Variants in TIMP3 observed in about 807,000 individuals in gnomAD.
TIMP3 encodes TIMP metallopeptidase inhibitor 3, also known as metalloproteinase inhibitor 3.
TIMP3 carries 11 observed loss-of-function variants against 30.0 expected under a neutral mutation model. The observed-to-expected ratio is 0.37, with a 90% CI of 0.23 to 0.61. The LOEUF (loss-of-function observed/expected upper bound fraction) is 0.61. Among genes scored for constraint, TIMP3 ranks in the 20% least tolerant of loss-of-function variants. The pLI is 0.70. For synonymous variants in TIMP3, 112 were observed against 111.3 expected (o/e 1.01, Z -0.04); for missense variants, 181 against 276.8 (o/e 0.65, Z 2.45).
chr22:32,856,062 A>G (rs2048354619), intron 2 of TIMP3, among the ~76,000 whole-genome samples: 1 of 152,232 alleles, frequency 6.6e-6, no homozygotes, highest in Admixed American at 6.5e-5. Context: ...GAATTTCTAT[A>G]AAGTGGGGTT....
In TIMP3 at chr22:32,820,265, T is replaced by TGC. The variant is rs997172969; in HGVS notation, c.121+18147_121+18148dup. Among the ~76,000 whole-genome samples the TGC allele has an allele frequency of 5.4e-4, 76 of 141,852 alleles. No individual in the cohort carries two copies. In the East Asian group the frequency reaches 0.013, roughly 24 times the overall value. The allele number at this position is 141,852 out of a possible 152,430, so 93.1% of individuals were successfully genotyped here. A position where few individuals can be genotyped will look rare whatever the true frequency, so the allele number is the denominator to read the frequency against. On this transcript the variant is annotated intron_variant, in intron 1 of 4. Transcript: ENST00000266085. ...CCCTGTGTGTGTGTGTGTGTGTGCG[T>TGC]GCGCGTGTGTGTGTGTGTGTGTGGT...
intron 1 of TIMP3, among the ~76,000 whole-genome samples, chr22:32,842,523 C>T (rs369670931): frequency 3.9e-5 from 6 of 152,152 alleles, no homozygotes; most frequent in South Asian, 2.1e-4. Context: ...TTTCGGGTTC[C>T]TCTTGCTGTT....
intron 1 of TIMP3, among the ~76,000 whole-genome samples, chr22:32,830,923 T>C (rs2047554831): frequency 6.6e-6 from 1 of 152,226 alleles, no homozygotes; most frequent in African/African-American, 2.4e-5. Flanking sequence ...GATGGGGTTT[T>C]GTTTTTGTTT....
chr22:32,849,495 G>A lies in TIMP3; in HGVS notation c.165G>A (p.Gly55=). 6.2e-7 allele frequency: 1 copy of A among 1,613,776 alleles called. No homozygotes were observed. Among genetic ancestry groups the A allele is most frequent in the Non-Finnish European group, 8.5e-7 (1 of 1,179,886 alleles). The change falls in exon 2 of 5, where the codon GGG becomes GGA. Residue 55 remains glycine (G), a synonymous_variant. Coordinates refer to ENST00000266085, the MANE Select transcript of TIMP3 (RefSeq NM_000362.5). ...TGGGGAAGAAGCTGGTAAAGGAGGGGCCCTTCGGCACGCTGGTCTACACCA... is the reference window on the plus strand; with the variant it reads ...TGGGGAAGAAGCTGGTAAAGGAGGGACCCTTCGGCACGCTGGTCTACACCA... ...KVVGKKLVKE[G]PFGTLVYTIK...
At chr22:32,843,762 C>T (rs189190036) in intron 1 of TIMP3, among the ~76,000 whole-genome samples, 2 of 152,306 alleles carry the variant, frequency 1.3e-5, no homozygotes, top group Admixed American at 6.5e-5. Flanking sequence ...ATCAGAAGAG[C>T]AGCCCCTTCC....
At position 32,857,301 on chromosome 22, in the gene TIMP3, C is replaced by T; in HGVS notation, c.257C>T (p.Ala86Val). The T allele has an allele frequency of 3.1e-6, 5 of 1,614,160 alleles. No homozygotes were observed. The highest frequency in any genetic ancestry group is 1.3e-5 in the African/African-American group (1 of 75,034). ...MPHVQYIHTE[A>V]SESLCGLKLE... ...CATGTGCAGTACATCCATACGGAAGCTTCCGAGAGTCTCTGTGGCCTTAAG... is the reference window on the plus strand; with the variant it reads ...CATGTGCAGTACATCCATACGGAAGTTTCCGAGAGTCTCTGTGGCCTTAAG... The change falls in exon 3 of 5, where the codon GCT (alanine) becomes GTT (valine). Residue 86 changes from alanine to valine, a missense_variant. This residue lies in a region of TIMP3 where 63 missense variants were observed against 133.3 expected (regional missense o/e 0.47). Coordinates refer to ENST00000266085, the MANE Select transcript of TIMP3 (RefSeq NM_000362.5).
At position 32,801,980 on chromosome 22, in the gene TIMP3, G is replaced by T; in HGVS notation, c.-22G>T. ...CTTTGGAGAGGCGAGCAGCAGCCCC[G>T]GCAGCGGCGGCAGCAGCGGCAATGA... On this transcript the variant is annotated 5_prime_UTR_variant, in exon 1 of 5. Transcript: ENST00000266085. The surrounding 1 kb of genome is among the most constrained non-coding windows in gnomAD (Gnocchi z 4.7). 1 of 1,580,608 alleles carries T rather than the reference G, an allele frequency of 6.3e-7. No individual in the cohort carries two copies.
intron 1 of TIMP3, among the ~76,000 whole-genome samples, chr22:32,824,122 C>T (rs557011447): frequency 6.6e-6 from 1 of 151,856 alleles, no homozygotes; most frequent in Non-Finnish European, 1.5e-5. Flanking sequence ...ACTAAAAATA[C>T]AAAAAATTAA....
intron 2 of TIMP3, among the ~76,000 whole-genome samples, chr22:32,851,182 G>T (rs573744728): frequency 6.6e-6 from 1 of 152,268 alleles, no homozygotes; most frequent in African/African-American, 2.4e-5. Flanking sequence ...GACAGCGCGG[G>T]AATGCCAAAG....
intron 1 of TIMP3, among the ~76,000 whole-genome samples, chr22:32,804,851 C>A (rs2046683456): frequency 6.6e-6 from 1 of 152,216 alleles, no homozygotes; most frequent in African/African-American, 2.4e-5. Context: ...GGTCCCCCTC[C>A]CTGGCCAGTC....
intron 1 of TIMP3, among the ~76,000 whole-genome samples, chr22:32,832,368 A>AG (rs2047599230): frequency 3.3e-5 from 5 of 152,326 alleles, no homozygotes; most frequent in Middle Eastern, 6.8e-3. Context: ...ACACTAGAAT[A>AG]TGTCCAGTCC....
chr22:32,818,122 G>A (rs2047136801), intron 1 of TIMP3, among the ~76,000 whole-genome samples: 1 of 152,174 alleles, frequency 6.6e-6, no homozygotes. Context: ...CCCCCAAAAA[G>A]GTAACCTAAC....
intron 2 of TIMP3, among the ~76,000 whole-genome samples, chr22:32,852,393 G>A (rs1434939168): frequency 6.6e-6 from 1 of 152,202 alleles, no homozygotes; most frequent in Admixed American, 6.5e-5. Context: ...ATCCAGCAGT[G>A]TAGGGCTGGA....
chr22:32,857,491 T>C (rs991493290), intron 3 of TIMP3, 131 bp downstream of exon 3: 14 of 757,476 alleles, frequency 1.8e-5, no homozygotes, highest in Non-Finnish European at 2.6e-5. Flanking sequence ...TAATGTTGAA[T>C]TCATCCCACT....
rs1461921539 is a variant in TIMP3 at position 32,861,441 on chromosome 22, T to G, written c.*2064T>G. The stretch of plus-strand genomic sequence containing the variant: ...GGTTTTGAAGGGATGAGCCCAGACT[T>G]GATGTTTTGGGATTGTCCTTATTTT... On this transcript the variant is annotated 3_prime_UTR_variant, in exon 5 of 5. Transcript: ENST00000266085. 1 of 152,204 alleles carries G rather than the reference T, an allele frequency of 6.6e-6. No homozygotes were observed. Among genetic ancestry groups the G allele is most frequent in the Non-Finnish European group, 1.5e-5 (1 of 68,036 alleles). 9.4% of individuals were successfully genotyped at this position (152,204 alleles called of 1,614,324 possible). A position where few individuals can be genotyped will look rare whatever the true frequency, so the allele number is the denominator to read the frequency against.
At position 32,858,132 on chromosome 22, in the gene TIMP3, C is replaced by T. The variant is rs766824701; in HGVS notation, c.432C>T (p.Asn144=). The change falls in exon 4 of 5, where the codon AAC becomes AAT. Residue 144 remains asparagine, a synonymous_variant. Transcript: ENST00000266085. Reference sequence around the variant, plus strand: ...ACTATCGGTATCACCTGGGTTGTAACTGCAAGGTAAGCTCTGGGGTCACTG... The same window carrying T: ...ACTATCGGTATCACCTGGGTTGTAATTGCAAGGTAAGCTCTGGGGTCACTG... ...GLNYRYHLGC[N]CKIKSCYYLP... is the part of the protein sequence containing the mutation. 1.2e-6 allele frequency: 2 copies of T among 1,613,862 alleles called. No homozygotes were observed. The highest frequency in any genetic ancestry group is 2.7e-5 in the African/African-American group (2 of 75,036).
At chr22:32,807,371 TATATATAA>T (rs2046782054) in intron 1 of TIMP3, among the ~76,000 whole-genome samples, 1 of 111,228 alleles carries the variant, frequency 9.0e-6, no homozygotes, top group Non-Finnish European at 1.7e-5. Flanking sequence ...TAATATATAT[TATATATAA>T]TATATATTAT....
chr22:32,806,677 G>A (rs565475432), intron 1 of TIMP3, among the ~76,000 whole-genome samples: 2 of 152,198 alleles, frequency 1.3e-5, no homozygotes, highest in South Asian at 2.1e-4. Flanking sequence ...TACCATCTTG[G>A]CCTGTTTTAT....
chr22:32,841,381 G>A lies in TIMP3; in HGVS notation c.122-8071G>A, dbSNP rs148190500. Among the ~76,000 whole-genome samples the A allele has an allele frequency of 4.6e-5, 7 of 152,280 alleles. No individual in the cohort carries two copies. In the East Asian group the frequency reaches 1.4e-3, roughly 30 times the overall value. On this transcript the variant is annotated intron_variant, in intron 1 of 4. Transcript: ENST00000266085. Reference sequence around the variant, plus strand: ...GGAATGTGCATGGATCAGGATCAGGGAAGGTCCCCCGCCCAAGTGAAGAAA... The same window carrying A: ...GGAATGTGCATGGATCAGGATCAGGAAAGGTCCCCCGCCCAAGTGAAGAAA...
Sources: gnomAD v4.1 joint callset for allele counts (sites outside exome capture counted in the v4.1 genomes callset) on GRCh38, gnomAD v4.1.1 for gene constraint, gnomAD v4.1.1 regional missense constraint, Gnocchi (gnomAD v3.1) non-coding constraint, MANE v1.5 for transcripts, NCBI Gene and HGNC (gene_info 2026-07-23, HGNC 2026-07-21) for gene names.